Variants in TRHDE observed in about 807,000 individuals in gnomAD.
TRHDE encodes thyrotropin releasing hormone degrading enzyme.
Under a neutral mutation model 125.7 loss-of-function variants are expected in TRHDE, and 72 were observed. That is an observed-to-expected ratio of 0.57 (90% CI 0.47 to 0.70). The LOEUF (loss-of-function observed/expected upper bound fraction) is 0.70. TRHDE is among the 30% of genes least tolerant of loss of function. The pLI, the probability that TRHDE is intolerant of heterozygous loss-of-function variation, is 0.00. For missense variants in TRHDE, 1,110 were observed against 1,327.1 expected (o/e 0.84, Z 2.54); for synonymous variants, 509 against 509.1 (o/e 1.00, Z 0.00).
At chr12:72,349,992 T>C (rs778784333) in intron 2 of TRHDE, among the ~76,000 whole-genome samples, 16 of 152,104 alleles carry the variant, frequency 1.1e-4, no homozygotes, top group Non-Finnish European at 2.2e-4. Context: ...TGTGATATCA[T>C]TCCTTTTCTT....
chr12:72,618,210 A>T (rs192641841), intron 12 of TRHDE, among the ~76,000 whole-genome samples: 3 of 152,274 alleles, frequency 2.0e-5, no homozygotes, highest in Admixed American at 6.5e-5. Context: ...TAATTTTTAA[A>T]AGGTACAATT....
chr12:72,618,897 C>T lies in TRHDE; in HGVS notation c.2328C>T (p.Gly776=). 2 of 1,509,938 alleles carry T rather than the reference C, an allele frequency of 1.3e-6. No individual in the cohort carries two copies. Among genetic ancestry groups the T allele is most frequent in the Non-Finnish European group, 1.8e-6 (2 of 1,131,616 alleles). 93.5% of individuals were successfully genotyped at this position (1,509,938 alleles called of 1,614,324 possible). A position where few individuals can be genotyped will look rare whatever the true frequency, so the allele number is the denominator to read the frequency against. The change falls in exon 13 of 19, where the codon GGC becomes GGT. Residue 776 remains glycine, a synonymous_variant. Coordinates refer to ENST00000261180, the MANE Select transcript of TRHDE (RefSeq NM_013381.3). ...IDDAFSLARA[G]YLPQNIPLEI... ...TTTTTTTTTTTAACTGTAGGGCTGG[C>T]TATTTGCCTCAGAATATTCCTCTGG...
chr12:72,304,561 A>G (rs1173671184), intron 2 of TRHDE, among the ~76,000 whole-genome samples: 1 of 152,180 alleles, frequency 6.6e-6, no homozygotes, highest in Non-Finnish European at 1.5e-5. Context: ...TCATGAATCA[A>G]GTAGAAAAAA....
chr12:72,113,165 A>G (rs1384550001), intron 2 of TRHDE, among the ~76,000 whole-genome samples: 1 of 151,962 alleles, frequency 6.6e-6, no homozygotes, highest in Admixed American at 6.6e-5. Flanking sequence ...CTACAGGTGC[A>G]CATCACCATA....
intron 5 of TRHDE, among the ~76,000 whole-genome samples, chr12:72,499,236 T>A (rs1048590605): frequency 2.0e-5 from 3 of 152,204 alleles, no homozygotes; most frequent in Non-Finnish European, 4.4e-5. Context: ...TAGCCACTGT[T>A]AAAACACAGA....
At chr12:72,642,753 C>CACTAG (rs1209477939) in intron 15 of TRHDE, among the ~76,000 whole-genome samples, 2 of 152,084 alleles carry the variant, frequency 1.3e-5, no homozygotes, top group Non-Finnish European at 2.9e-5. Context: ...TTTCCATGTT[C>CACTAG]ACTAGGAGGG....
intron 3 of TRHDE, among the ~76,000 whole-genome samples, chr12:72,439,646 G>A (rs548410211): frequency 7.9e-5 from 12 of 151,632 alleles, no homozygotes; most frequent in Non-Finnish European, 1.8e-4. Context: ...GTGCTTCAGT[G>A]GAGTCTTTAG....
chr12:72,146,259 T>C (rs572192345), intron 2 of TRHDE, among the ~76,000 whole-genome samples: 1 of 152,314 alleles, frequency 6.6e-6, no homozygotes, highest in African/African-American at 2.4e-5. Context: ...GTCATCCTTG[T>C]CCGTGTTTCC....
intron 2 of TRHDE, among the ~76,000 whole-genome samples, chr12:72,367,581 A>G (rs536639347): frequency 1.3e-5 from 2 of 152,008 alleles, no homozygotes; most frequent in South Asian, 4.2e-4. Flanking sequence ...TAAGACTAAT[A>G]CTCCTGAGCT....
At chr12:72,174,577 C>A (rs1217730309) in intron 2 of TRHDE, among the ~76,000 whole-genome samples, 1 of 152,076 alleles carries the variant, frequency 6.6e-6, no homozygotes, top group Non-Finnish European at 1.5e-5. Context: ...TGGAACTCTT[C>A]CTTAGCCTAT....
intron 12 of TRHDE, among the ~76,000 whole-genome samples, chr12:72,591,399 A>G (rs560352928): frequency 6.6e-6 from 1 of 152,338 alleles, no homozygotes; most frequent in South Asian, 2.1e-4. Flanking sequence ...CAAATAAAAT[A>G]TAGAAATCCT....
intron 2 of TRHDE, among the ~76,000 whole-genome samples, chr12:72,192,801 C>T (rs1159449376): frequency 6.6e-6 from 1 of 152,016 alleles, no homozygotes; most frequent in African/African-American, 2.4e-5. Flanking sequence ...TCAGATATTA[C>T]CTATTTTGCT....
intron 5 of TRHDE, among the ~76,000 whole-genome samples, chr12:72,498,272 G>A (rs867672774): frequency 3.3e-5 from 5 of 152,072 alleles, no homozygotes; most frequent in African/African-American, 9.7e-5. Flanking sequence ...TTAAAGCCAG[G>A]TTTAAATTAC....
intron 2 of TRHDE, among the ~76,000 whole-genome samples, chr12:72,376,498 GC>G (rs1372620135): frequency 6.6e-6 from 1 of 152,148 alleles, no homozygotes; most frequent in Non-Finnish European, 1.5e-5. Flanking sequence ...AATACTGCCA[GC>G]CCAAAATGTT....
chr12:72,132,713 TGCTGG>T (rs1875892595), intron 2 of TRHDE, among the ~76,000 whole-genome samples: 1 of 152,192 alleles, frequency 6.6e-6, no homozygotes, highest in Admixed American at 6.5e-5. Flanking sequence ...GCCAGCTCTG[TGCTGG>T]GTGCTGGGGA....
chr12:72,318,526 G>A (rs886991905), intron 2 of TRHDE, among the ~76,000 whole-genome samples: 11 of 152,068 alleles, frequency 7.2e-5, no homozygotes, highest in African/African-American at 1.9e-4. Context: ...GACCTTGGCC[G>A]GTGCTGATGT....
intron 2 of TRHDE, among the ~76,000 whole-genome samples, chr12:72,318,028 G>T (rs922751553): frequency 1.3e-5 from 2 of 152,108 alleles, no homozygotes; most frequent in Non-Finnish European, 2.9e-5. Context: ...CATTATAAGA[G>T]AATTATGACT....
chr12:72,542,253 T>C (rs1248941388), intron 6 of TRHDE, 38 bp from the exon 7 acceptor site: 5 of 1,479,078 alleles, frequency 3.4e-6, no homozygotes, highest in Non-Finnish European at 4.6e-6. Flanking sequence ...CATGATACTT[T>C]GTTGAAATTC....
chr12:72,635,430 A>T (rs1592586584), intron 15 of TRHDE, among the ~76,000 whole-genome samples: 1 of 151,812 alleles, frequency 6.6e-6, no homozygotes, highest in African/African-American at 2.4e-5. Context: ...AGGTTGCGAA[A>T]ATTTTCTCCC....
Sources: allele counts gnomAD v4.1 joint callset (sites outside exome capture counted in the v4.1 genomes callset), GRCh38; gene constraint gnomAD v4.1.1; transcripts MANE v1.5; gene names NCBI Gene and HGNC (gene_info 2026-07-23, HGNC 2026-07-21).